The following AGBL4 variants were observed in gnomAD, a reference collection of about 807,000 sequenced individuals.
The protein encoded by AGBL4 is cytosolic carboxypeptidase 6.
AGBL4 carries 58 observed loss-of-function variants against 66.4 expected under a neutral mutation model. The observed-to-expected ratio is 0.87, with a 90% CI of 0.71 to 1.09. The LOEUF is 1.09. Ranked by LOEUF, AGBL4 falls within the 50% of genes least tolerant of loss-of-function variation. The pLI is 0.00. For synonymous variants in AGBL4, 234 were observed against 222.9 expected (o/e 1.05, Z -0.44); for missense variants, 579 against 631.0 (o/e 0.92, Z 0.88).
intron 6 of AGBL4, among the ~76,000 whole-genome samples, chr1:48,747,295 C>T (rs1650923915): frequency 6.6e-6 from 1 of 152,140 alleles, no homozygotes; most frequent in Admixed American, 6.5e-5. Flanking sequence ...TTGACACACA[C>T]TTGAGGTTTA....
At chr1:48,761,258 A>G (rs1644242312) in intron 6 of AGBL4, 5 of 1,407,380 alleles carry the variant, frequency 3.6e-6, no homozygotes, top group Non-Finnish European at 4.8e-6. Context: ...GGGGAGAGGA[A>G]GCCAGACTGA....
At chr1:49,179,149 C>T (rs1224631026) in intron 4 of AGBL4, among the ~76,000 whole-genome samples, 1 of 152,044 alleles carries the variant, frequency 6.6e-6, no homozygotes, top group Non-Finnish European at 1.5e-5. Flanking sequence ...TTTTCATTTT[C>T]CAAGACCAAT....
chr1:49,743,381 A>G (rs930401873), intron 2 of AGBL4, among the ~76,000 whole-genome samples: 2 of 152,208 alleles, frequency 1.3e-5, no homozygotes, highest in African/African-American at 2.4e-5. Context: ...TAGAATGGCC[A>G]TCATTAAAAA....
intron 1 of AGBL4, among the ~76,000 whole-genome samples, chr1:49,853,199 G>A (rs1319509992): frequency 6.6e-6 from 1 of 152,044 alleles, no homozygotes; most frequent in Non-Finnish European, 1.5e-5. Flanking sequence ...ATCAGACAAT[G>A]ATTTTTAAAT....
chr1:49,575,251 A>C (rs1246335492), intron 3 of AGBL4, among the ~76,000 whole-genome samples: 1 of 152,148 alleles, frequency 6.6e-6, no homozygotes, highest in African/African-American at 2.4e-5. Context: ...TCACATAATT[A>C]ATGGAGTTTT....
intron 5 of AGBL4, among the ~76,000 whole-genome samples, chr1:48,879,296 C>T (rs72893705): frequency 0.012 from 1,779 of 151,358 alleles, 31 homozygotes; most frequent in African/African-American, 0.039. Context: ...TGTGTGTGCA[C>T]GAGTGTGCAC....
chr1:49,728,018 T>C (rs1008838964), intron 2 of AGBL4, among the ~76,000 whole-genome samples: 2 of 152,102 alleles, frequency 1.3e-5, no homozygotes, highest in Admixed American at 6.6e-5. Flanking sequence ...AAGCTGACAA[T>C]TACCTTGATG....
intron 5 of AGBL4, among the ~76,000 whole-genome samples, chr1:48,937,568 C>CTGTTAAGTT (rs1238453142): frequency 6.6e-6 from 1 of 152,186 alleles, no homozygotes; most frequent in South Asian, 2.1e-4. Context: ...AGCCCGGGAT[C>CTGTTAAGTT]TGTTAAGTTG....
chr1:49,312,791 T>C (rs1338204881), intron 3 of AGBL4, among the ~76,000 whole-genome samples: 2 of 152,180 alleles, frequency 1.3e-5, no homozygotes, highest in African/African-American at 2.4e-5. Context: ...TACACATATA[T>C]TAGAATGGTC....
Position 49,146,546 on chromosome 1 carries a change from C to T in AGBL4, c.377+99224G>A, listed in dbSNP as rs17105526. Among the ~76,000 whole-genome samples, 1,274 of 152,222 alleles carry T rather than the reference C, an allele frequency of 8.4e-3. 14 individuals carry two copies. Among genetic ancestry groups the T allele is most frequent in the African/African-American group, 0.029 (1,216 of 41,552 alleles). Reference sequence around the variant, plus strand: ...ATGAATGAAAAAATGTTGGTTGAAACGGAAAACACCTAGCTGAGAGAAAAA... The same window carrying T: ...ATGAATGAAAAAATGTTGGTTGAAATGGAAAACACCTAGCTGAGAGAAAAA... On this transcript the variant is annotated intron_variant, in intron 4 of 13. Coordinates refer to ENST00000371839, the MANE Select transcript of AGBL4 (RefSeq NM_032785.4).
chr1:49,226,752 C>T (rs1026019017), intron 4 of AGBL4, among the ~76,000 whole-genome samples: 1 of 152,158 alleles, frequency 6.6e-6, no homozygotes, highest in African/African-American at 2.4e-5. Context: ...CTAGGTCCTT[C>T]CTTAAATTCA....
chr1:49,645,403 AATT>A (rs3084481), intron 3 of AGBL4, among the ~76,000 whole-genome samples: 78,850 of 150,840 alleles, frequency 0.52, 21,898 homozygotes, highest in Non-Finnish European at 0.62. Flanking sequence ...TATCAAAAAA[AATT>A]ATTATGACAA....
intron 5 of AGBL4, among the ~76,000 whole-genome samples, chr1:49,040,068 A>G (rs1232630136): frequency 6.6e-6 from 1 of 152,090 alleles, no homozygotes; most frequent in Non-Finnish European, 1.5e-5. Context: ...TTGGAGGAAA[A>G]TATTTGCAAA....
At chr1:48,529,600 C>T (rs1643895786), downstream of AGBL4, among the ~76,000 whole-genome samples, 1 of 152,080 alleles carries the variant, frequency 6.6e-6, no homozygotes, top group East Asian at 1.9e-4. Flanking sequence ...GGCCCTGATG[C>T]CCCTTTGGCT....
At chr1:49,202,102 G>A (rs530685743) in intron 4 of AGBL4, among the ~76,000 whole-genome samples, 15 of 152,218 alleles carry the variant, frequency 9.9e-5, no homozygotes, top group African/African-American at 2.9e-4. Context: ...GCACAGCTGC[G>A]TTTGTATAAA....
chr1:48,789,858 A>C (rs368423120), intron 6 of AGBL4, among the ~76,000 whole-genome samples: 1 of 152,188 alleles, frequency 6.6e-6, no homozygotes, highest in Non-Finnish European at 1.5e-5. Context: ...TCTCTGCTGC[A>C]GTGACATTAA....
At chr1:49,486,557 C>T (rs1647070852) in intron 3 of AGBL4, among the ~76,000 whole-genome samples, 1 of 151,954 alleles carries the variant, frequency 6.6e-6, no homozygotes, top group South Asian at 2.1e-4. Context: ...ATGTTTCCTG[C>T]CCATCCTCCT....
intron 3 of AGBL4, among the ~76,000 whole-genome samples, chr1:49,279,250 C>A (rs533479071): frequency 1.3e-5 from 2 of 151,994 alleles, no homozygotes; most frequent in Non-Finnish European, 2.9e-5. Flanking sequence ...AAAGACAATG[C>A]CAACAGAGCA....
intron 4 of AGBL4, among the ~76,000 whole-genome samples, chr1:49,115,822 C>T (rs946731023): frequency 1.7e-4 from 26 of 152,208 alleles, no homozygotes; most frequent in South Asian, 1.2e-3. Flanking sequence ...TCTACTGTGA[C>T]AGTCATGACC....
Sources: allele counts gnomAD v4.1 joint callset (sites outside exome capture counted in the v4.1 genomes callset), GRCh38; gene constraint gnomAD v4.1.1; transcripts MANE v1.5; gene names NCBI Gene and HGNC (gene_info 2026-07-23, HGNC 2026-07-21).